Variants in NALF1 observed in about 807,000 individuals in gnomAD.
NALF1 encodes the protein family with sequence similarity 155 member A.
NALF1 carries 3 observed loss-of-function variants against 48.4 expected under a neutral mutation model. The ratio of observed to expected loss-of-function variants is 0.06; its 90% CI spans 0.03 to 0.16. The LOEUF (loss-of-function observed/expected upper bound fraction) is 0.16. Among genes scored for constraint, NALF1 ranks in the 10% least tolerant of loss-of-function variants. The pLI is 1.00. For synonymous variants in NALF1, 262 were observed against 245.7 expected, an observed-to-expected ratio of 1.07 and a Z score of -0.62; for missense variants, 526 against 571.5, an observed-to-expected ratio of 0.92 and a Z score of 0.81.
At chr13:107,325,656 G>T (rs1882337515) in intron 1 of NALF1, among the ~76,000 whole-genome samples, 1 of 151,350 alleles carries the variant, frequency 6.6e-6, no homozygotes, top group Non-Finnish European at 1.5e-5. Flanking sequence ...TGGCCAATAT[G>T]GCAAAACCTT....
At chr13:107,363,555 C>T (rs1594137909) in intron 1 of NALF1, among the ~76,000 whole-genome samples, 1 of 152,186 alleles carries the variant, frequency 6.6e-6, no homozygotes, top group Non-Finnish European at 1.5e-5. Flanking sequence ...GCTGTGAACA[C>T]AACACTGCAG....
intron 1 of NALF1, among the ~76,000 whole-genome samples, chr13:107,632,976 A>C (rs950803479): frequency 8.6e-5 from 13 of 151,678 alleles, no homozygotes; most frequent in African/African-American, 3.1e-4. Context: ...AAAAATTAGC[A>C]TGTGTCTTCA....
intron 2 of NALF1, among the ~76,000 whole-genome samples, chr13:107,191,873 G>C (rs2138785020): frequency 6.8e-6 from 1 of 147,532 alleles, no homozygotes; most frequent in African/African-American, 2.5e-5. Flanking sequence ...GTAGAGACGG[G>C]GTTTCACCAT....
intron 1 of NALF1, among the ~76,000 whole-genome samples, chr13:107,530,821 A>G (rs1455034092): frequency 6.6e-6 from 1 of 152,136 alleles, no homozygotes; most frequent in East Asian, 1.9e-4. Context: ...CATCTAAGTT[A>G]TATATGAACT....
rs527509102 is a variant in NALF1, at chr13:107,728,672, G to A, written c.915+137010C>T. Among the ~76,000 whole-genome samples, 19 of 151,096 alleles carry A rather than the reference G, an allele frequency of 1.3e-4. No individual in the cohort carries two copies. The East Asian group carries it at 2.7e-3, about 22-fold the overall frequency. On this transcript the variant is annotated intron_variant, in intron 1 of 2. Coordinates refer to ENST00000375915, the MANE Select transcript of NALF1 (RefSeq NM_001080396.3). ...TATGTAACAAACCTGCACGTTCTGC[G>A]CATGTATCCCAGAACTTAAAGTAAA... is the stretch of plus-strand genomic sequence containing the variant.
chr13:107,803,598 C>T lies in NALF1; in HGVS notation c.915+62084G>A, dbSNP rs180884961. ...TTGTATCATGTTTTCCAGTGCAGAGCGATTACCTTCCCCAGGCAAAGGCTG... is the reference window on the plus strand; with the variant it reads ...TTGTATCATGTTTTCCAGTGCAGAGTGATTACCTTCCCCAGGCAAAGGCTG... On this transcript the variant is annotated intron_variant, in intron 1 of 2. Transcript: ENST00000375915. Among the ~76,000 whole-genome samples the T allele has an allele frequency of 2.4e-3, 365 of 152,178 alleles. 3 individuals are homozygous for T. Among genetic ancestry groups the T allele is most frequent in the Non-Finnish European group, 4.0e-3 (272 of 68,002 alleles).
At chr13:107,613,787 G>T (rs1270930109) in intron 1 of NALF1, among the ~76,000 whole-genome samples, 3 of 152,060 alleles carry the variant, frequency 2.0e-5, no homozygotes, top group Admixed American at 2.0e-4. Context: ...AGGTTTTCTT[G>T]GAAACAACAT....
At chr13:107,799,736 T>C (rs1878543088) in intron 1 of NALF1, among the ~76,000 whole-genome samples, 1 of 152,072 alleles carries the variant, frequency 6.6e-6, no homozygotes, top group Non-Finnish European at 1.5e-5. Context: ...ATTTGAAAAG[T>C]GTGTTAAGAT....
rs996954004 is a variant in NALF1, at chr13:107,328,553, G to A, written c.916-117798C>T. On this transcript the variant is annotated intron_variant, in intron 1 of 2. Coordinates refer to ENST00000375915, the MANE Select transcript of NALF1 (RefSeq NM_001080396.3). ...TAAAGACACTTTAAGAAATGGCCTT[G>A]ACAAACCTTTGGTTTCTCTGCTCTC... is the stretch of plus-strand genomic sequence containing the variant. Among the ~76,000 whole-genome samples, 4 of 152,228 alleles carry A rather than the reference G, an allele frequency of 2.6e-5. No individual in the cohort carries two copies. In the South Asian group the frequency reaches 6.2e-4, roughly 24 times the overall value.
At chr13:107,552,367 T>C (rs1259670151) in intron 1 of NALF1, among the ~76,000 whole-genome samples, 2 of 152,166 alleles carry the variant, frequency 1.3e-5, no homozygotes, top group Non-Finnish European at 2.9e-5. Context: ...AAATATGATA[T>C]CGTTATTTAA....
chr13:107,745,489 C>T (rs1876758011), intron 1 of NALF1, among the ~76,000 whole-genome samples: 1 of 152,140 alleles, frequency 6.6e-6, no homozygotes. Context: ...AAATTTGATT[C>T]CATCACTCAC....
At chr13:107,624,551 T>C (rs1879613322) in intron 1 of NALF1, among the ~76,000 whole-genome samples, 1 of 152,174 alleles carries the variant, frequency 6.6e-6, no homozygotes. Flanking sequence ...AGCATAAAGC[T>C]TCACTTCTTA....
intron 1 of NALF1, among the ~76,000 whole-genome samples, chr13:107,660,331 A>T (rs1052830160): frequency 1.2e-4 from 18 of 151,168 alleles, no homozygotes; most frequent in African/African-American, 4.4e-4. Flanking sequence ...GCCACTCGGG[A>T]GGCTGAGGCA....
At chr13:107,490,778 A>G (rs1885403058) in intron 1 of NALF1, among the ~76,000 whole-genome samples, 1 of 152,154 alleles carries the variant, frequency 6.6e-6, no homozygotes, top group Non-Finnish European at 1.5e-5. Context: ...CTTCAAGTTT[A>G]TGGTGTAGAA....
intron 1 of NALF1, among the ~76,000 whole-genome samples, chr13:107,479,436 T>G (rs1323163805): frequency 1.3e-5 from 2 of 152,178 alleles, no homozygotes; most frequent in Non-Finnish European, 2.9e-5. Context: ...CTGTTACATA[T>G]CTATCAAAGA....
intron 1 of NALF1, among the ~76,000 whole-genome samples, chr13:107,711,118 T>A (rs1426413612): frequency 6.6e-6 from 1 of 152,106 alleles, no homozygotes; most frequent in Non-Finnish European, 1.5e-5. Flanking sequence ...AACTGACCAC[T>A]CACAGATCTA....
chr13:107,680,106 C>G (rs1013496487), intron 1 of NALF1, among the ~76,000 whole-genome samples: 2 of 151,956 alleles, frequency 1.3e-5, no homozygotes, highest in Non-Finnish European at 2.9e-5. Flanking sequence ...TGCCCAGGTG[C>G]CCAGCTGCAG....
intron 1 of NALF1, among the ~76,000 whole-genome samples, chr13:107,855,455 A>G (rs1401256669): frequency 6.6e-6 from 1 of 152,240 alleles, no homozygotes; most frequent in Non-Finnish European, 1.5e-5. Flanking sequence ...CCCAGAAGCC[A>G]AAAGATTGGA....
intron 1 of NALF1, among the ~76,000 whole-genome samples, chr13:107,576,905 G>A (rs1878169345): frequency 6.6e-6 from 1 of 152,162 alleles, no homozygotes; most frequent in African/African-American, 2.4e-5. Flanking sequence ...GCCTTCTCAT[G>A]GGAGTGAGAA....
Sources: allele counts gnomAD v4.1 joint callset (sites outside exome capture counted in the v4.1 genomes callset), GRCh38; gene constraint gnomAD v4.1.1; transcripts MANE v1.5; gene names NCBI Gene and HGNC (gene_info 2026-07-23, HGNC 2026-07-21).